The following VWF variants were observed in gnomAD, a reference collection of about 807,000 sequenced individuals.
The protein encoded by VWF is Factor VIII related antigen.
In VWF, 176 loss-of-function variants were observed where a neutral mutation model predicts 308.6. The ratio of observed to expected loss-of-function variants is 0.57; its 90% CI spans 0.50 to 0.65. The LOEUF is 0.65. VWF is among the 30% of genes least tolerant of loss of function. The probability of loss-of-function intolerance (pLI) is 0.00; values close to 1 mark genes in which losing one functional copy is unlikely to be tolerated. For missense variants in VWF, 3,146 were observed against 3,648.2 expected, an observed-to-expected ratio of 0.86 and a Z score of 3.55; for synonymous variants, 1,385 against 1,443.4, an observed-to-expected ratio of 0.96 and a Z score of 0.92.
chr12:6,083,156 G>C (rs1944932732), intron 6 of VWF, among the ~76,000 whole-genome samples: 1 of 152,174 alleles, frequency 6.6e-6, no homozygotes, highest in South Asian at 2.1e-4. Flanking sequence ...TTGGCCAAGT[G>C]CAGTGGCTCA....
intron 42 of VWF, among the ~76,000 whole-genome samples, chr12:5,978,305 C>T (rs1465322748): frequency 1.3e-5 from 2 of 152,006 alleles, no homozygotes; most frequent in African/African-American, 4.8e-5. Flanking sequence ...CTCTGTAGCC[C>T]AGGCCAGAGT....
At position 5,981,799 on chromosome 12, in the gene VWF, C is replaced by T. The variant is rs1358481418; in HGVS notation, c.7274G>A (p.Cys2425Tyr). The T allele has an allele frequency of 6.2e-7, 1 of 1,614,010 alleles. No individual in the cohort carries two copies. Among genetic ancestry groups the T allele is most frequent in the African/African-American group, 1.3e-5 (1 of 74,918 alleles). Residue 2425 changes from cysteine to tyrosine, a missense_variant, in exon 42 of 52, where the codon TGC becomes TAC. This residue lies in a region of VWF where 989 missense variants were observed against 1,117.4 expected (regional missense o/e 0.89). Coordinates refer to ENST00000261405, the MANE Select transcript of VWF (RefSeq NM_000552.5). The part of the protein sequence containing the change: ...TNDCGCTTTT[C>Y]LPDKVCVHRS... ...AGCAGTCCTTACCTTGTCGGGAAGG[C>T]AGGTGGTTGTGGTACAGCCACAGTC... is the stretch of plus-strand genomic sequence containing the variant.
At chr12:6,105,211 C>T (rs186281529) in intron 5 of VWF, among the ~76,000 whole-genome samples, 4 of 152,214 alleles carry the variant, frequency 2.6e-5, no homozygotes, top group Admixed American at 1.3e-4. Context: ...AACAAAATTG[C>T]GCTTGTACCC....
chr12:6,033,015 T>A (rs1366655846), intron 20 of VWF, among the ~76,000 whole-genome samples: 1 of 141,918 alleles, frequency 7.0e-6, no homozygotes, highest in African/African-American at 3.1e-5. Flanking sequence ...CGCACATGCA[T>A]ACACCCACAC....
rs1048674696 is a variant in VWF at position 6,011,694 on chromosome 12, C to T, written c.5765G>A (p.Gly1922Glu). The T allele has an allele frequency of 5.0e-6, 8 of 1,613,906 alleles. No homozygotes were observed. The highest frequency in any genetic ancestry group is 3.3e-4 in the Middle Eastern group (2 of 6,050). ...GCTGTTAGGGCACGAAGGCCTCAGC[C>T]CCCGGTCACAGTTGACCCGATGACT... ...LKSHRVNCDR[G>E]LRPSCPNSQS... The change falls in exon 34 of 52, where the codon GGG becomes GAG. Residue 1922 changes from glycine to glutamate, a missense_variant. Coordinates refer to ENST00000261405, the MANE Select transcript of VWF (RefSeq NM_000552.5).
intron 1 of VWF, among the ~76,000 whole-genome samples, chr12:6,124,198 T>C (rs949166600): frequency 1.3e-5 from 2 of 152,146 alleles, no homozygotes; most frequent in Admixed American, 1.3e-4. Context: ...AGTGAAGTAC[T>C]ATCAAACAGT....
chr12:6,013,926 G>T (rs1480603511), intron 31 of VWF, among the ~76,000 whole-genome samples: 1 of 151,622 alleles, frequency 6.6e-6, no homozygotes, highest in Non-Finnish European at 1.5e-5. Flanking sequence ...CACAAACAAA[G>T]TAAATATATA....
chr12:6,105,936 A>T (rs1945238925), intron 5 of VWF, among the ~76,000 whole-genome samples: 3 of 152,100 alleles, frequency 2.0e-5, no homozygotes, highest in African/African-American at 7.2e-5. Context: ...CCAGCTACTC[A>T]GGAGGCTGAG....
At chr12:6,118,835 G>A (rs545970327) in intron 3 of VWF, among the ~76,000 whole-genome samples, 1 of 152,318 alleles carries the variant, frequency 6.6e-6, no homozygotes, top group African/African-American at 2.4e-5. Context: ...GGTAGGGAGG[G>A]CATGAGCCTT....
chr12:6,000,946 A>C (rs1046136234), intron 34 of VWF, among the ~76,000 whole-genome samples: 3 of 152,192 alleles, frequency 2.0e-5, no homozygotes, highest in African/African-American at 7.2e-5. Flanking sequence ...ACTAAAACGA[A>C]GAATGGAAGA....
At chr12:6,079,189 T>C (rs1944876292) in intron 6 of VWF, among the ~76,000 whole-genome samples, 1 of 152,210 alleles carries the variant, frequency 6.6e-6, no homozygotes, top group African/African-American at 2.4e-5. Context: ...TGCAGCTGGA[T>C]CCGCACTCAC....
chr12:6,087,600 C>T (rs540962227), intron 6 of VWF, among the ~76,000 whole-genome samples: 97 of 151,084 alleles, frequency 6.4e-4, no homozygotes, highest in Non-Finnish European at 1.1e-3. Context: ...CTCCTGACCT[C>T]GTGATCCGCC....
At chr12:6,064,964 G>C (rs1333606732) in intron 11 of VWF, among the ~76,000 whole-genome samples, 173 bp downstream of exon 11, 1 of 152,234 alleles carries the variant, frequency 6.6e-6, no homozygotes, top group Non-Finnish European at 1.5e-5. Flanking sequence ...TCTAGGGAGA[G>C]AGGGGATGGG....
At chr12:6,091,563 A>G (rs1945035242) in intron 6 of VWF, among the ~76,000 whole-genome samples, 1 of 152,190 alleles carries the variant, frequency 6.6e-6, no homozygotes, top group South Asian at 2.1e-4. Flanking sequence ...TTTGTTTTAT[A>G]GACAGGGTCT....
Position 6,019,518 on chromosome 12 carries a change from C to G in VWF, c.3900G>C (p.Val1300=). ...TGCGCAGCCGCTCCATCATGTCCAC[C>G]ACAAAGGCCTTCAGCACTTCAAACT... ...EAEFEVLKAF[V]VDMMERLRIS... is the part of the protein sequence containing the mutation. The change falls in exon 28 of 52, where the codon GTG becomes GTC. Residue 1300 remains valine (V), a synonymous_variant. Coordinates refer to ENST00000261405, the MANE Select transcript of VWF (RefSeq NM_000552.5). This position sits in a 1 kb window ranked among gnomAD's most constrained non-coding sequence, Gnocchi z 5.8. The G allele has an allele frequency of 1.2e-6, 2 of 1,614,026 alleles. No homozygotes were observed. The highest frequency in any genetic ancestry group is 1.7e-6 in the Non-Finnish European group (2 of 1,179,874).
chr12:5,963,087 C>T (rs1226558751), intron 47 of VWF, among the ~76,000 whole-genome samples: 1 of 152,028 alleles, frequency 6.6e-6, no homozygotes, highest in Non-Finnish European at 1.5e-5. Flanking sequence ...TTAAACAGGA[C>T]ATAAAAAGCA....
intron 34 of VWF, among the ~76,000 whole-genome samples, chr12:6,004,485 A>T (rs183449265): frequency 6.6e-6 from 1 of 152,186 alleles, no homozygotes; most frequent in East Asian, 1.9e-4. Context: ...GTGTGTGTGC[A>T]AGATACTCCA....
At chr12:6,029,536 G>A (rs60831677) in intron 21 of VWF, 48 bp from the exon 22 acceptor site, 143,702 of 1,609,528 alleles carry the variant, frequency 0.089, 6,918 homozygotes, top group African/African-American at 0.15. Flanking sequence ...GGGCAGGCTC[G>A]ACAGCCAGAT....
chr12:6,039,362 GGCCCC>G (rs1438420135), intron 18 of VWF, among the ~76,000 whole-genome samples: 35 of 152,160 alleles, frequency 2.3e-4, no homozygotes, highest in African/African-American at 7.0e-4. Flanking sequence ...TCTCTGAAAA[GGCCCC>G]ATTGTCCCCA....
Sources: allele counts gnomAD v4.1 joint callset (sites outside exome capture counted in the v4.1 genomes callset), GRCh38; gene constraint gnomAD v4.1.1; regional missense constraint gnomAD v4.1.1; non-coding constraint Gnocchi (gnomAD v3.1); transcripts MANE v1.5; gene names NCBI Gene and HGNC (gene_info 2026-07-23, HGNC 2026-07-21).